FMN1: variants seen among roughly 807,000 people sequenced by gnomAD.
FMN1 encodes formin-1.
Under a neutral mutation model 132.4 loss-of-function variants are expected in FMN1, and 110 were observed. The ratio of observed to expected loss-of-function variants is 0.83; its 90% confidence interval spans 0.71 to 0.97. FMN1 has a LOEUF of 0.97. FMN1 is among the 50% of genes least tolerant of loss of function. The pLI, the probability that FMN1 is intolerant of heterozygous loss-of-function variation, is 0.00. For missense variants in FMN1, 1,792 were observed against 1,705.3 expected (o/e 1.05, Z -0.90); for synonymous variants, 722 against 651.7 (o/e 1.11, Z -1.64).
chr15:33,152,731 C>G (rs528689597), intron 4 of FMN1, among the ~76,000 whole-genome samples: 3 of 129,204 alleles, frequency 2.3e-5, no homozygotes, highest in East Asian at 4.6e-4. Context: ...TCTGCCTGTT[C>G]CTGTTTTCCT....
intron 7 of FMN1, among the ~76,000 whole-genome samples, chr15:32,976,388 T>C (rs1252673147): frequency 6.6e-6 from 1 of 152,170 alleles, no homozygotes; most frequent in Non-Finnish European, 1.5e-5. Flanking sequence ...GGCGATTCTA[T>C]GGCTTTGGAC....
chr15:33,058,568 G>C (rs1052253427), intron 6 of FMN1, among the ~76,000 whole-genome samples: 7 of 152,110 alleles, frequency 4.6e-5, no homozygotes, highest in African/African-American at 1.7e-4. Context: ...GCTTGAAATT[G>C]CTTATGCTTC....
intron 16 of FMN1, among the ~76,000 whole-genome samples, chr15:32,884,299 C>T (rs1183136712): frequency 6.6e-6 from 1 of 152,148 alleles, no homozygotes; most frequent in African/African-American, 2.4e-5. Flanking sequence ...TGTTCCTTGC[C>T]TTTTCCACTT....
chr15:33,108,434 T>C (rs527785911), intron 4 of FMN1, among the ~76,000 whole-genome samples: 7 of 152,020 alleles, frequency 4.6e-5, no homozygotes, highest in African/African-American at 1.7e-4. Flanking sequence ...ACATTCAAAA[T>C]AGTATTATTT....
intron 7 of FMN1, chr15:32,970,858 A>C (rs955327480): frequency 1.3e-5 from 2 of 152,198 alleles, no homozygotes; most frequent in African/African-American, 4.8e-5. Flanking sequence ...ATTCATTCTC[A>C]AGAGCAAACC....
Position 33,047,508 on chromosome 15 carries a change from C to T in FMN1, c.2161+17449G>A, listed in dbSNP as rs2036743152. ...CTCAAGTTCTAACAGCCTGGGACAC[C>T]TTGGGAAAAGCAGAGGAAGCACCAC... On this transcript the variant is annotated intron_variant, in intron 6 of 20. Coordinates refer to ENST00000616417, the MANE Select transcript of FMN1 (RefSeq NM_001277313.2). Among the ~76,000 whole-genome samples the T allele has an allele frequency of 2.0e-5, 3 of 152,258 alleles. No homozygotes were observed. The South Asian group carries it at 6.2e-4, about 32-fold the overall frequency.
At chr15:32,966,441 A>C (rs994412231) in intron 8 of FMN1, among the ~76,000 whole-genome samples, 9 of 152,256 alleles carry the variant, frequency 5.9e-5, no homozygotes, top group African/African-American at 2.2e-4. Flanking sequence ...ATGGTGGTCA[A>C]CTGACCACTG....
intron 2 of FMN1, among the ~76,000 whole-genome samples, chr15:33,181,707 CTTT>C (rs753993602): frequency 3.2e-5 from 4 of 126,214 alleles, no homozygotes; most frequent in East Asian, 2.1e-4. Context: ...TTTTTTCTTT[CTTT>C]TTTTTTTTTT....
At chr15:32,857,337 T>C (rs952979687) in intron 16 of FMN1, among the ~76,000 whole-genome samples, 2 of 152,320 alleles carry the variant, frequency 1.3e-5, no homozygotes, top group South Asian at 4.1e-4. Flanking sequence ...CAGGGCAATG[T>C]ACAATCCTTC....
At chr15:33,033,296 C>G (rs1380573836) in intron 6 of FMN1, among the ~76,000 whole-genome samples, 2 of 152,208 alleles carry the variant, frequency 1.3e-5, no homozygotes, top group Admixed American at 1.3e-4. Context: ...TCCCAAAGTG[C>G]TGGGATTACA....
chr15:32,955,816 T>C (rs535423963), intron 9 of FMN1, among the ~76,000 whole-genome samples: 31 of 151,572 alleles, frequency 2.0e-4, no homozygotes, highest in East Asian at 1.4e-3. Flanking sequence ...TGTGCGTGTG[T>C]GTGTGTGTGT....
At chr15:32,963,495 T>G (rs899366314) in intron 9 of FMN1, among the ~76,000 whole-genome samples, 10 of 150,494 alleles carry the variant, frequency 6.6e-5, no homozygotes, top group African/African-American at 2.4e-4. Context: ...TAAAGTATAA[T>G]AAATAAATAA....
intron 4 of FMN1, among the ~76,000 whole-genome samples, chr15:33,113,471 T>C (rs754751833): frequency 6.6e-6 from 1 of 152,172 alleles, no homozygotes; most frequent in Non-Finnish European, 1.5e-5. Context: ...GATGTGAACA[T>C]AGGGTACGAT....
intron 7 of FMN1, among the ~76,000 whole-genome samples, chr15:32,976,472 T>C (rs1398975560): frequency 6.6e-6 from 1 of 152,192 alleles, no homozygotes; most frequent in Non-Finnish European, 1.5e-5. Context: ...TTAATTGGCT[T>C]ATACTAGCCA....
intron 6 of FMN1, among the ~76,000 whole-genome samples, chr15:33,018,274 CT>C (rs1192887990): frequency 2.6e-5 from 4 of 151,706 alleles, no homozygotes; most frequent in African/African-American, 7.3e-5. Context: ...AAAGTGATGT[CT>C]TTTTTTTAAT....
chr15:32,981,318 C>T (rs1311855838), intron 7 of FMN1, among the ~76,000 whole-genome samples: 1 of 151,608 alleles, frequency 6.6e-6, no homozygotes, highest in Non-Finnish European at 1.5e-5. Flanking sequence ...GGTGAAACTG[C>T]GTCTCTACTA....
At chr15:32,886,939 T>C (rs922978620) in intron 16 of FMN1, among the ~76,000 whole-genome samples, 1 of 152,186 alleles carries the variant, frequency 6.6e-6, no homozygotes, top group Non-Finnish European at 1.5e-5. Context: ...CAAGTTCACA[T>C]ATCGCATTTC....
chr15:33,077,513 C>CT (rs2038264399), intron 5 of FMN1, among the ~76,000 whole-genome samples: 1 of 151,832 alleles, frequency 6.6e-6, no homozygotes, highest in South Asian at 2.1e-4. Flanking sequence ...ATCCCTCCCC[C>CT]TTCCCCTGAC....
intron 5 of FMN1, chr15:33,067,876 G>C (rs371804089): frequency 2.5e-6 from 4 of 1,608,792 alleles, no homozygotes; most frequent in Non-Finnish European, 3.4e-6. Context: ...AATTATCAAC[G>C]TTCTCCATGT....
Sources: allele counts gnomAD v4.1 joint callset (sites outside exome capture counted in the v4.1 genomes callset), GRCh38; gene constraint gnomAD v4.1.1; transcripts MANE v1.5; gene names NCBI Gene and HGNC (gene_info 2026-07-23, HGNC 2026-07-21).